Variants in CSMD1 observed in about 807,000 individuals in gnomAD.
The protein encoded by CSMD1 is CUB and Sushi multiple domains 1, also known as CUB and sushi domain-containing protein 1.
CSMD1 carries 213 observed loss-of-function variants against 417.5 expected under a neutral mutation model. The observed-to-expected ratio is 0.51, with a 90% CI of 0.46 to 0.57. CSMD1 has a LOEUF of 0.57. Ranked by LOEUF, CSMD1 falls within the 20% of genes least tolerant of loss-of-function variation. The probability of loss-of-function intolerance (pLI) is 0.00; values close to 1 mark genes in which losing one functional copy is unlikely to be tolerated. For synonymous variants in CSMD1, 2,862 were observed against 1,736.8 expected, an observed-to-expected ratio of 1.65 and a Z score of -16.11; for missense variants, 6,923 against 4,529.7, an observed-to-expected ratio of 1.53 and a Z score of -15.17.
chr8:3,755,499 G>C (rs892856856), intron 5 of CSMD1, among the ~76,000 whole-genome samples: 1 of 152,152 alleles, frequency 6.6e-6, no homozygotes, highest in African/African-American at 2.4e-5. Flanking sequence ...ATTGCTTTTA[G>C]CAGGAACTTG....
chr8:4,214,014 G>C (rs373973923), intron 3 of CSMD1, among the ~76,000 whole-genome samples: 1 of 152,258 alleles, frequency 6.6e-6, no homozygotes, highest in South Asian at 2.1e-4. Flanking sequence ...AAGTTCTGAC[G>C]ATGTAAGTAA....
At chr8:4,420,662 C>G (rs1230768) in intron 2 of CSMD1, among the ~76,000 whole-genome samples, 1 of 152,002 alleles carries the variant, frequency 6.6e-6, no homozygotes, top group African/African-American at 2.4e-5. Flanking sequence ...AGTTGGATTC[C>G]AAGCTGTGCT....
At chr8:4,376,625 TTTC>T (rs1802762685) in intron 3 of CSMD1, among the ~76,000 whole-genome samples, 1 of 152,202 alleles carries the variant, frequency 6.6e-6, no homozygotes, top group African/African-American at 2.4e-5. Flanking sequence ...TTAAATAATA[TTTC>T]TTTTCAGAAG....
chr8:4,289,187 G>T lies in CSMD1; in HGVS notation c.415+130766C>A, dbSNP rs571372883. ...GTGTATATTATATAACAGTTTATCG[G>T]ACAAATACTCTTTACCAGTTTCTAG... On this transcript the variant is annotated intron_variant, in intron 3 of 69. Coordinates refer to ENST00000635120, the MANE Select transcript of CSMD1 (RefSeq NM_033225.6). Among the ~76,000 whole-genome samples, 21 of 152,196 alleles carry T rather than the reference G, an allele frequency of 1.4e-4. No individual in the cohort carries two copies. In the South Asian group the frequency reaches 4.2e-3, roughly 30 times the overall value.
intron 3 of CSMD1, among the ~76,000 whole-genome samples, chr8:4,116,069 G>A (rs995951341): frequency 6.6e-6 from 1 of 151,590 alleles, no homozygotes. Context: ...GGCAATCTTG[G>A]CTCACTGCAA....
chr8:4,069,856 C>T (rs988955478), intron 3 of CSMD1, among the ~76,000 whole-genome samples: 2 of 152,034 alleles, frequency 1.3e-5, no homozygotes, highest in Non-Finnish European at 2.9e-5. Flanking sequence ...CAAAAGTCTT[C>T]TATCCGGTAC....
intron 7 of CSMD1, among the ~76,000 whole-genome samples, chr8:3,640,347 T>G (rs1797247642): frequency 6.6e-6 from 1 of 152,226 alleles, no homozygotes; most frequent in Admixed American, 6.5e-5. Flanking sequence ...TAAATATCCA[T>G]TTGTAGTTTA....
rs1003274548 is a variant in CSMD1 at position 4,207,037 on chromosome 8, T to C, written c.416-174938A>G. ...TCACATATTCCTCTTTAAATGTGTA[T>C]ACCTATTTTTCTATTTACATTTGCA... On this transcript the variant is annotated intron_variant, in intron 3 of 69. Transcript: ENST00000635120. Among the ~76,000 whole-genome samples the C allele has an allele frequency of 2.0e-5, 3 of 152,204 alleles. 1 individual carries two copies. The highest frequency in any genetic ancestry group is 2.0e-4 in the Admixed American group (3 of 15,284).
intron 3 of CSMD1, among the ~76,000 whole-genome samples, chr8:4,351,304 T>C (rs779119562): frequency 3.9e-5 from 6 of 152,240 alleles, no homozygotes; most frequent in Non-Finnish European, 8.8e-5. Context: ...GATTTTTCAA[T>C]GCTAAATGTT....
intron 1 of CSMD1, among the ~76,000 whole-genome samples, chr8:4,708,821 T>C (rs761902435): frequency 1.3e-5 from 2 of 152,170 alleles, no homozygotes; most frequent in African/African-American, 4.8e-5. Context: ...ATGAGGTCAT[T>C]AGGGTGGTCC....
intron 1 of CSMD1, among the ~76,000 whole-genome samples, chr8:4,766,672 G>A (rs1202938498): frequency 6.6e-6 from 1 of 152,198 alleles, no homozygotes; most frequent in African/African-American, 2.4e-5. Flanking sequence ...GGAGCCCATG[G>A]TGGCTCCTGA....
chr8:4,746,201 C>T (rs1292472838), intron 1 of CSMD1, among the ~76,000 whole-genome samples: 1 of 152,106 alleles, frequency 6.6e-6, no homozygotes, highest in East Asian at 1.9e-4. Context: ...CGCCCTAAAA[C>T]CCCCTTTTCC....
chr8:4,633,430 T>C (rs1389826925), intron 2 of CSMD1, among the ~76,000 whole-genome samples: 3 of 151,796 alleles, frequency 2.0e-5, no homozygotes, highest in Non-Finnish European at 4.4e-5. Context: ...TTTGTATTTT[T>C]AGTAGAGATG....
rs1345556473 is a variant in CSMD1, at chr8:2,968,815, A to C, written c.8924-2069T>G. Among the ~76,000 whole-genome samples, 3 of 152,332 alleles carry C rather than the reference A, an allele frequency of 2.0e-5. No individual in the cohort carries two copies. In the East Asian group the frequency reaches 5.8e-4, roughly 29 times the overall value. ...AAAAATAAATTAACCTGTAAGTTTA[A>C]ACTTTGCCATATTTTCTCTTTCCTG... is the stretch of plus-strand genomic sequence containing the variant. On this transcript the variant is annotated intron_variant, in intron 57 of 69. Transcript: ENST00000635120.
At chr8:3,918,722 T>G (rs1489421866) in intron 5 of CSMD1, among the ~76,000 whole-genome samples, 1 of 152,130 alleles carries the variant, frequency 6.6e-6, no homozygotes, top group Non-Finnish European at 1.5e-5. Context: ...TAATGGCATT[T>G]GCAGCAACCT....
intron 2 of CSMD1, among the ~76,000 whole-genome samples, chr8:4,632,677 T>G (rs1030601757): frequency 1.3e-5 from 2 of 152,072 alleles, no homozygotes; most frequent in African/African-American, 4.8e-5. Flanking sequence ...AGGGCAGGTG[T>G]GAGTTCAAAG....
At chr8:4,048,455 T>C (rs1049391599) in intron 3 of CSMD1, among the ~76,000 whole-genome samples, 14 of 152,326 alleles carry the variant, frequency 9.2e-5, no homozygotes, top group Admixed American at 7.8e-4. Context: ...CCAACAAGAT[T>C]CTGCAGTAGC....
chr8:4,434,722 G>A (rs1213754094), intron 2 of CSMD1, among the ~76,000 whole-genome samples: 2 of 152,108 alleles, frequency 1.3e-5, no homozygotes, highest in Non-Finnish European at 2.9e-5. Flanking sequence ...CCCTGACAGT[G>A]CTCATCCGGT....
intron 7 of CSMD1, among the ~76,000 whole-genome samples, chr8:3,684,157 T>G (rs1180982619): frequency 6.9e-6 from 1 of 144,754 alleles, no homozygotes; most frequent in Non-Finnish European, 1.5e-5. Flanking sequence ...ATGTTATAAT[T>G]TATATAATAT....
Sources: gnomAD v4.1 joint callset for allele counts (sites outside exome capture counted in the v4.1 genomes callset) on GRCh38, gnomAD v4.1.1 for gene constraint, MANE v1.5 for transcripts, NCBI Gene and HGNC (gene_info 2026-07-23, HGNC 2026-07-21) for gene names.